SPAM1: variants seen among roughly 807,000 people sequenced by gnomAD.
SPAM1 encodes the protein sperm adhesion molecule 1, also known as hyaluronidase PH-20.
SPAM1 carries 22 observed loss-of-function variants against 29.6 expected under a neutral mutation model. The ratio of observed to expected loss-of-function variants is 0.74; its 90% CI spans 0.53 to 1.06. The LOEUF (loss-of-function observed/expected upper bound fraction) is 1.06. Ranked by LOEUF, SPAM1 falls within the 50% of genes least tolerant of loss-of-function variation. SPAM1 has a pLI of 0.00. For synonymous variants in SPAM1, 194 were observed against 204.6 expected, an observed-to-expected ratio of 0.95 and a Z score of 0.44; for missense variants, 534 against 604.0, an observed-to-expected ratio of 0.88 and a Z score of 1.21.
intron 1 of SPAM1, among the ~76,000 whole-genome samples, chr7:123,926,331 G>C (rs564182854): frequency 6.6e-6 from 1 of 152,216 alleles, no homozygotes; most frequent in Non-Finnish European, 1.5e-5. Flanking sequence ...TTAGAAAAAG[G>C]CACGGACCAC....
rs1807843418 is a variant in SPAM1, at chr7:123,925,301, A to G, written c.-370A>G. On this transcript the variant is annotated 5_prime_UTR_variant, in exon 1 of 5. It removes an upstream start codon present in the reference 5' UTR. Coordinates refer to ENST00000682466, the MANE Select transcript of SPAM1 (RefSeq NM_153189.3). ...TGTGGCTCACATAAATTCAGAAAGT[A>G]TGATAGCAGTGTAGGTGGTTAGCAG... 1 of 152,220 alleles carries G rather than the reference A, an allele frequency of 6.6e-6. No homozygotes were observed. The highest frequency in any genetic ancestry group is 2.1e-4 in the South Asian group (1 of 4,826). 9.4% of individuals were successfully genotyped at this position (152,220 alleles called of 1,614,324 possible).
intron 4 of SPAM1, among the ~76,000 whole-genome samples, chr7:123,956,284 G>A (rs1010150683): frequency 2.0e-5 from 3 of 151,842 alleles, no homozygotes; most frequent in Non-Finnish European, 2.9e-5. Flanking sequence ...TATAGACTCT[G>A]TTGTATATAT....
At position 123,954,252 on chromosome 7, in the gene SPAM1, C is replaced by T. The variant is rs1361929643; in HGVS notation, c.682C>T (p.His228Tyr). The T allele has an allele frequency of 3.7e-6, 6 of 1,613,084 alleles. No individual in the cohort carries two copies. Among genetic ancestry groups the T allele is most frequent in the Non-Finnish European group, 5.1e-6 (6 of 1,179,610 alleles). The stretch of plus-strand genomic sequence containing the variant: ...TCTTTTTCCGGATTGTTACAACCAT[C>T]ACTATAAGAAACCCGGTTACAATGG... ...YYLFPDCYNH[H>Y]YKKPGYNGSC... The change falls in exon 3 of 5, where the codon CAC becomes TAC. Residue 228 changes from histidine to tyrosine, a missense_variant. By Grantham distance (83) the His-to-Tyr change is moderately conservative. Coordinates refer to ENST00000682466, the MANE Select transcript of SPAM1 (RefSeq NM_153189.3).
In SPAM1 at chr7:123,959,470, T is replaced by C. The variant is rs1298897325; in HGVS notation, c.1045-14T>C. The C allele has an allele frequency of 1.3e-6, 2 of 1,550,320 alleles. No individual in the cohort carries two copies. The highest frequency in any genetic ancestry group is 1.8e-6 in the Non-Finnish European group (2 of 1,141,248). On this transcript the variant is annotated splice_polypyrimidine_tract_variant and intron_variant, in intron 4 of 4. Coordinates refer to ENST00000682466, the MANE Select transcript of SPAM1 (RefSeq NM_153189.3). ...GTCCTTTGATATTCTGACTGTCTTA[T>C]AATAATTTTACAGAAATCTTGCTTG...
intron 1 of SPAM1, among the ~76,000 whole-genome samples, chr7:123,943,082 G>C (rs1351473447): frequency 6.6e-6 from 1 of 152,074 alleles, no homozygotes; most frequent in Non-Finnish European, 1.5e-5. Flanking sequence ...TATTTCAAAA[G>C]AAAAGTTTTT....
At chr7:123,954,737 G>A (rs1792209706) in intron 3 of SPAM1, among the ~76,000 whole-genome samples, 1 of 151,850 alleles carries the variant, frequency 6.6e-6, no homozygotes, top group Middle Eastern at 3.2e-3. Context: ...GGGAGAATTA[G>A]GTAGTATAGA....
At chr7:123,930,986 A>ACAGGGTCATTGT (rs1182206141) in intron 1 of SPAM1, among the ~76,000 whole-genome samples, 15 of 152,104 alleles carry the variant, frequency 9.9e-5, no homozygotes, top group African/African-American at 3.4e-4. Context: ...TTCTTACACC[A>ACAGGGTCATTGT]CAGGGTCATT....
At chr7:123,940,949 A>G (rs1808409512) in intron 1 of SPAM1, among the ~76,000 whole-genome samples, 1 of 152,198 alleles carries the variant, frequency 6.6e-6, no homozygotes, top group Non-Finnish European at 1.5e-5. Flanking sequence ...TTCATGTTTA[A>G]TGATTGTGAT....
chr7:123,954,689 T>C (rs1792208603), intron 3 of SPAM1, among the ~76,000 whole-genome samples, 165 bp downstream of exon 3: 1 of 152,052 alleles, frequency 6.6e-6, no homozygotes, highest in Admixed American at 6.6e-5. Flanking sequence ...AAGAATACGC[T>C]TAATCTTTAA....
In SPAM1 at chr7:123,955,038, T is replaced by C. The variant is rs749565132; in HGVS notation, c.996T>C (p.Gly332=). The change falls in exon 4 of 5, where the codon GGT becomes GGC. Residue 332 remains glycine, a synonymous_variant. Coordinates refer to ENST00000682466, the MANE Select transcript of SPAM1 (RefSeq NM_153189.3). The stretch of plus-strand genomic sequence containing the variant: ...CATTTGGCGAAACTGTTGCTCTGGG[T>C]GCTTCTGGAATTGTAATATGGGGAA... ...VYTFGETVAL[G]ASGIVIWGTL... is the part of the protein sequence containing the mutation. The C allele has an allele frequency of 1.2e-6, 2 of 1,611,940 alleles. No homozygotes were observed. Among genetic ancestry groups the C allele is most frequent in the Non-Finnish European group, 1.7e-6 (2 of 1,178,482 alleles).
At chr7:123,928,122 T>TA (rs1807952738) in intron 1 of SPAM1, among the ~76,000 whole-genome samples, 1 of 152,098 alleles carries the variant, frequency 6.6e-6, no homozygotes, top group Non-Finnish European at 1.5e-5. Context: ...TAAGAAGGTA[T>TA]AAAAAAACCC....
chr7:123,936,088 T>G (rs923425882), intron 1 of SPAM1, among the ~76,000 whole-genome samples: 2 of 152,236 alleles, frequency 1.3e-5, no homozygotes, highest in Non-Finnish European at 2.9e-5. Flanking sequence ...TTGGACTACT[T>G]AAGTGAAATT....
intron 1 of SPAM1, among the ~76,000 whole-genome samples, chr7:123,941,384 G>C (rs940048268): frequency 6.6e-6 from 1 of 152,132 alleles, no homozygotes; most frequent in Non-Finnish European, 1.5e-5. Context: ...GTGGCAGGGC[G>C]GGACAACTTG....
intron 1 of SPAM1, among the ~76,000 whole-genome samples, chr7:123,940,822 A>G (rs997871266): frequency 6.6e-6 from 1 of 152,218 alleles, no homozygotes; most frequent in Non-Finnish European, 1.5e-5. Flanking sequence ...TTAAAATGTG[A>G]AAGTACTAAT....
At chr7:123,969,535 T>G (rs747511266) in intron 5 of SPAM1, among the ~76,000 whole-genome samples, 15 of 152,116 alleles carry the variant, frequency 9.9e-5, no homozygotes, top group Admixed American at 3.3e-4. Context: ...CACCATTTAT[T>G]GAAAAGGGTG....
At chr7:123,948,022 A>T (rs1052813118) in intron 1 of SPAM1, among the ~76,000 whole-genome samples, 1 of 152,148 alleles carries the variant, frequency 6.6e-6, no homozygotes, top group Non-Finnish European at 1.5e-5. Context: ...GAAGGAAAAA[A>T]GAGTTGATGA....
Position 123,953,564 on chromosome 7 carries a change from CTT to C in SPAM1, c.-5_-4del. On this transcript the variant is annotated 5_prime_UTR_variant, in exon 3 of 5. Coordinates refer to ENST00000682466, the MANE Select transcript of SPAM1 (RefSeq NM_153189.3). ...AATAAATGTTTTCATAGTCATTACTCTTTACAATGGGAGTGCTAAAATTCAAG... is the reference window on the plus strand; with the variant it reads ...AATAAATGTTTTCATAGTCATTACTCTACAATGGGAGTGCTAAAATTCAAG... The C allele has an allele frequency of 6.4e-7, 1 of 1,557,984 alleles. No individual in the cohort carries two copies. Among genetic ancestry groups the C allele is most frequent in the Non-Finnish European group, 8.7e-7 (1 of 1,148,614 alleles).
At chr7:123,962,586 C>G (rs1373821927), downstream of SPAM1, among the ~76,000 whole-genome samples, 2 of 151,770 alleles carry the variant, frequency 1.3e-5, no homozygotes, top group Admixed American at 6.6e-5. Context: ...AAATCTTTGC[C>G]TTGACCAATG....
At chr7:123,967,322 A>C (rs1407702666) in intron 5 of SPAM1, among the ~76,000 whole-genome samples, 4 of 152,058 alleles carry the variant, frequency 2.6e-5, no homozygotes, top group Admixed American at 2.0e-4. Flanking sequence ...CACTATATGC[A>C]TAATGTTGCT....
Sources: allele counts gnomAD v4.1 joint callset (sites outside exome capture counted in the v4.1 genomes callset), GRCh38; gene constraint gnomAD v4.1.1; transcripts MANE v1.5; gene names NCBI Gene and HGNC (gene_info 2026-07-23, HGNC 2026-07-21).